Variants in NFX1 observed in about 807,000 individuals in gnomAD.
NFX1 encodes the protein nuclear transcription factor, X-box binding 1, also known as transcriptional repressor NF-X1.
NFX1 carries 69 observed loss-of-function variants against 137.2 expected under a neutral mutation model. The ratio of observed to expected loss-of-function variants is 0.50; its 90% CI spans 0.41 to 0.61. The LOEUF is 0.61. NFX1 is among the 20% of genes least tolerant of loss of function. The pLI is 0.00. For missense variants in NFX1, 1,167 were observed against 1,391.0 expected (o/e 0.84, Z 2.56); for synonymous variants, 495 against 474.1 (o/e 1.04, Z -0.57).
intron 22 of NFX1, among the ~76,000 whole-genome samples, 161 bp from the exon 23 acceptor site, chr9:33,367,352 CAG>C (rs999315202): frequency 8.5e-5 from 13 of 152,156 alleles, no homozygotes; most frequent in African/African-American, 1.9e-4. Flanking sequence ...GTGGAAGGGA[CAG>C]GGGGTTAAAT....
chr9:33,295,562 T>A, intron 2 of NFX1, 135 bp downstream of exon 2: 1 of 1,060,144 alleles, frequency 9.4e-7, no homozygotes, highest in Non-Finnish European at 1.3e-6. Context: ...TTATTCACTG[T>A]CTGCCTAAGT....
At chr9:33,314,165 G>T (rs564679411) in intron 7 of NFX1, among the ~76,000 whole-genome samples, 1 of 151,858 alleles carries the variant, frequency 6.6e-6, no homozygotes, top group East Asian at 2.0e-4. Flanking sequence ...TGTGTTTTTA[G>T]TAGAGATAGG....
rs572845025 is a variant in NFX1 at position 33,346,701 on chromosome 9, A to G, written c.2345-337A>G. ...TAGCAAAGATATCTGAGCAGAAGTG[A>G]GCAGTTGCGGTTAAAGTAGGGCCAA... On this transcript the variant is annotated intron_variant, in intron 14 of 23. Coordinates refer to ENST00000379540, the MANE Select transcript of NFX1 (RefSeq NM_002504.6). 2.6e-5 allele frequency among the ~76,000 whole-genome samples: 4 copies of G among 152,308 alleles called. No homozygotes were observed. In the East Asian group the frequency reaches 7.7e-4, roughly 29 times the overall value.
intron 9 of NFX1, among the ~76,000 whole-genome samples, chr9:33,322,852 G>A (rs1285212720): frequency 6.6e-6 from 1 of 152,198 alleles, no homozygotes; most frequent in Admixed American, 6.5e-5. Context: ...ATACCTTAAA[G>A]AACAGTAACT....
At chr9:33,355,483 T>A (rs1021071581) in intron 19 of NFX1, among the ~76,000 whole-genome samples, 1 of 152,184 alleles carries the variant, frequency 6.6e-6, no homozygotes, top group South Asian at 2.1e-4. Context: ...TTCGTTATAT[T>A]TTTGTGACAT....
At chr9:33,313,607 C>G in intron 6 of NFX1, 47 bp from the exon 7 acceptor site, 1 of 1,596,210 alleles carries the variant, frequency 6.3e-7, no homozygotes, top group Non-Finnish European at 8.6e-7. Flanking sequence ...GGTTGTCCAA[C>G]AGGAACTTTT....
At chr9:33,311,643 C>T (rs930103320) in intron 6 of NFX1, among the ~76,000 whole-genome samples, 3 of 151,864 alleles carry the variant, frequency 2.0e-5, no homozygotes, top group Non-Finnish European at 4.4e-5. Context: ...ACCTCTGCTG[C>T]CTGGGTTCAA....
chr9:33,305,938 G>T lies in NFX1; in HGVS notation c.1271-1256G>T, dbSNP rs531285701. The stretch of plus-strand genomic sequence containing the variant: ...AGTTAAGACCCTAGCGGATGAAAGG[G>T]TACAGAGTGAGAAAAGGGTGTAATG... On this transcript the variant is annotated intron_variant, in intron 4 of 23. Coordinates refer to ENST00000379540, the MANE Select transcript of NFX1 (RefSeq NM_002504.6). Among the ~76,000 whole-genome samples the T allele has an allele frequency of 1.4e-4, 22 of 152,302 alleles. 1 individual carries two copies. The South Asian group carries it at 4.6e-3, about 32-fold the overall frequency.
chr9:33,362,121 CAAA>C (rs1365074653), intron 19 of NFX1, among the ~76,000 whole-genome samples: 2 of 65,704 alleles, frequency 3.0e-5, no homozygotes, highest in African/African-American at 5.5e-5. Flanking sequence ...GACCCAGCCT[CAAA>C]AAAAAAAAAA....
At chr9:33,318,690 A>G in intron 7 of NFX1, 41 bp from the exon 8 acceptor site, 1 of 1,540,488 alleles carries the variant, frequency 6.5e-7, no homozygotes, top group Non-Finnish European at 9.0e-7. Context: ...AAGAACCCAT[A>G]CATGTTACTA....
chr9:33,311,828 G>A (rs556282972), intron 6 of NFX1, among the ~76,000 whole-genome samples: 3 of 152,294 alleles, frequency 2.0e-5, no homozygotes, highest in Admixed American at 2.0e-4. Flanking sequence ...TGGGATTACA[G>A]GCATGAGCTA....
intron 3 of NFX1, among the ~76,000 whole-genome samples, chr9:33,302,471 C>T (rs1427759480): frequency 6.7e-6 from 1 of 149,850 alleles, no homozygotes; most frequent in Non-Finnish European, 1.5e-5. Context: ...AAATGATCCT[C>T]CTGCCTCAGA....
At chr9:33,360,079 C>CGTCA (rs1267999228) in intron 19 of NFX1, among the ~76,000 whole-genome samples, 1 of 152,132 alleles carries the variant, frequency 6.6e-6, no homozygotes, top group African/African-American at 2.4e-5. Context: ...CTTTAGGAAC[C>CGTCA]GTCAGTCAGT....
intron 10 of NFX1, 62 bp downstream of exon 10, chr9:33,328,740 G>A: frequency 5.2e-6 from 7 of 1,350,934 alleles, no homozygotes; most frequent in Non-Finnish European, 7.4e-6. Context: ...GGTGATTATG[G>A]GAGGGGAGGA....
intron 2 of NFX1, among the ~76,000 whole-genome samples, chr9:33,297,305 G>T (rs1821391256): frequency 6.6e-6 from 1 of 151,698 alleles, no homozygotes; most frequent in African/African-American, 2.4e-5. Flanking sequence ...CATCTACCCA[G>T]GGCCTGTTTT....
chr9:33,362,634 G>A (rs1424442781), intron 19 of NFX1, among the ~76,000 whole-genome samples: 1 of 151,400 alleles, frequency 6.6e-6, no homozygotes, highest in Non-Finnish European at 1.5e-5. Context: ...GGGAGGTTGA[G>A]GAGAGGTTGG....
At chr9:33,346,281 A>G (rs1186046294) in intron 14 of NFX1, among the ~76,000 whole-genome samples, 1 of 152,176 alleles carries the variant, frequency 6.6e-6, no homozygotes, top group African/African-American at 2.4e-5. Flanking sequence ...GAACTTCACC[A>G]TTTGTGAATT....
intron 6 of NFX1, among the ~76,000 whole-genome samples, 194 bp from the exon 7 acceptor site, chr9:33,313,460 A>G (rs1398833349): frequency 6.6e-6 from 1 of 151,884 alleles, no homozygotes; most frequent in African/African-American, 2.4e-5. Flanking sequence ...ACAGAAGAAG[A>G]AAAAGAGTGG....
At chr9:33,319,244 TATG>T in intron 9 of NFX1, 117 bp downstream of exon 9, 1 of 829,208 alleles carries the variant, frequency 1.2e-6, no homozygotes, top group Non-Finnish European at 1.9e-6. Flanking sequence ...TTCTAAATAT[TATG>T]ATCATATTTA....
Sources: gnomAD v4.1 joint callset for allele counts (sites outside exome capture counted in the v4.1 genomes callset) on GRCh38, gnomAD v4.1.1 for gene constraint, MANE v1.5 for transcripts, NCBI Gene and HGNC (gene_info 2026-07-23, HGNC 2026-07-21) for gene names.